ARHGAP25: variants seen among roughly 807,000 people sequenced by gnomAD.
ARHGAP25 encodes the protein Rho GTPase activating protein 25, also known as rho GTPase-activating protein 25.
In ARHGAP25, 34 loss-of-function variants were observed where a neutral mutation model predicts 71.0. The ratio of observed to expected loss-of-function variants is 0.48; its 90% confidence interval spans 0.36 to 0.64. ARHGAP25 has a LOEUF of 0.64. ARHGAP25 is among the 30% of genes least tolerant of loss of function. The probability of loss-of-function intolerance (pLI) is 0.00; values close to 1 mark genes in which losing one functional copy is unlikely to be tolerated. For synonymous variants in ARHGAP25, 282 were observed against 296.5 expected (o/e 0.95, Z 0.50); for missense variants, 706 against 805.1 (o/e 0.88, Z 1.49).
chr2:68,722,385 C>G (rs1401532261), intron 2 of ARHGAP25, among the ~76,000 whole-genome samples: 2 of 151,850 alleles, frequency 1.3e-5, no homozygotes, highest in Non-Finnish European at 2.9e-5. Context: ...CAAGACCAGC[C>G]TGGCCAACAT....
At chr2:68,820,941 TAGC>T (rs1335359409) in intron 9 of ARHGAP25, among the ~76,000 whole-genome samples, 1 of 152,168 alleles carries the variant, frequency 6.6e-6, no homozygotes, top group African/African-American at 2.4e-5. Flanking sequence ...TTTTTGTACT[TAGC>T]AGTATATTCT....
intron 2 of ARHGAP25, among the ~76,000 whole-genome samples, chr2:68,723,122 C>T (rs148221140): frequency 2.6e-3 from 390 of 152,276 alleles, no homozygotes; most frequent in Non-Finnish European, 4.3e-3. Context: ...GCAAATTCCA[C>T]GATGCTGGGT....
intron 1 of ARHGAP25, among the ~76,000 whole-genome samples, chr2:68,746,768 A>G (rs1396229758): frequency 6.6e-6 from 1 of 150,672 alleles, no homozygotes; most frequent in Non-Finnish European, 1.5e-5. Flanking sequence ...GTACTTTGGG[A>G]GGCCGAGGCA....
Position 68,813,378 on chromosome 2 carries a change from T to C in ARHGAP25, c.766T>C (p.Phe256Leu), listed in dbSNP as rs1347585205. The C allele has an allele frequency of 2.5e-6, 4 of 1,612,818 alleles. No individual in the cohort carries two copies. The Admixed American group carries it at 5.0e-5, about 20-fold the overall frequency. ...GGTTCCCTGGAGCCAGTACGAAGGG[T>C]TCCTGCTCTGTGGGCAGCTCACGAA... ...PVVPWSQYEG[F>L]LLCGQLTNAD... Residue 256 changes from phenylalanine (F) to leucine (L), a missense_variant, in exon 6 of 11, where the codon TTC (phenylalanine) becomes CTC (leucine). Transcript: ENST00000409202.
chr2:68,727,616 C>T (rs947223096), intron 2 of ARHGAP25, among the ~76,000 whole-genome samples: 4 of 152,234 alleles, frequency 2.6e-5, no homozygotes, highest in African/African-American at 9.6e-5. Context: ...TTCTGACTCT[C>T]CTGGAGTCTG....
upstream of ARHGAP25, among the ~76,000 whole-genome samples, chr2:68,729,851 T>C (rs1345935042): frequency 2.0e-5 from 3 of 152,258 alleles, no homozygotes; most frequent in Non-Finnish European, 2.9e-5. Flanking sequence ...TTAGTATAAG[T>C]ATATTCTTAT....
chr2:68,826,431 C>T lies in ARHGAP25; in HGVS notation c.*237C>T, dbSNP rs1255661929. On this transcript the variant is annotated 3_prime_UTR_variant, in exon 11 of 11. Coordinates refer to ENST00000409202, the MANE Select transcript of ARHGAP25 (RefSeq NM_001007231.3). ...TGTATTCAAATGGATTGTTTTATTC[C>T]ATTCTGGTCTCAGGCATGACCACGT... 6 of 615,026 alleles carry T rather than the reference C, an allele frequency of 9.8e-6. No individual in the cohort carries two copies. Among genetic ancestry groups the T allele is most frequent in the Admixed American group, 4.5e-5 (2 of 44,722 alleles). The allele number at this position is 615,026 out of a possible 1,614,324, so 38.1% of individuals were successfully genotyped here.
chr2:68,743,249 C>T (rs1307546961), intron 1 of ARHGAP25, among the ~76,000 whole-genome samples: 1 of 152,152 alleles, frequency 6.6e-6, no homozygotes, highest in Non-Finnish European at 1.5e-5. Flanking sequence ...GTCATGCGTA[C>T]CTCTGGCCAC....
At chr2:68,754,094 G>A (rs1238090841) in intron 1 of ARHGAP25, among the ~76,000 whole-genome samples, 4 of 151,958 alleles carry the variant, frequency 2.6e-5, no homozygotes, top group Non-Finnish European at 4.4e-5. Context: ...TAGTAGAGAC[G>A]GGGTTTCACC....
At chr2:68,744,570 G>GTGA (rs1675703495) in intron 1 of ARHGAP25, among the ~76,000 whole-genome samples, 1 of 152,166 alleles carries the variant, frequency 6.6e-6, no homozygotes, top group South Asian at 2.1e-4. Flanking sequence ...GACTGTGACT[G>GTGA]TGACATTTAA....
intron 1 of ARHGAP25, 130 bp from the exon 2 acceptor site, chr2:68,775,091 C>G: frequency 6.4e-7 from 1 of 1,573,802 alleles, no homozygotes; most frequent in South Asian, 1.2e-5. Flanking sequence ...AGATCCGGAC[C>G]CCTGAACTGG....
intron 4 of ARHGAP25, among the ~76,000 whole-genome samples, chr2:68,801,984 C>G (rs536472650): frequency 7.4e-4 from 113 of 152,298 alleles, no homozygotes; most frequent in Non-Finnish European, 1.1e-3. Context: ...AAATGCTCAG[C>G]CTACATTTGT....
At chr2:68,732,046 C>A (rs1218903451), upstream of ARHGAP25, among the ~76,000 whole-genome samples, 1 of 152,210 alleles carries the variant, frequency 6.6e-6, no homozygotes, top group Non-Finnish European at 1.5e-5. Flanking sequence ...ACAGATGGAA[C>A]AATGTTTGCT....
intron 4 of ARHGAP25, among the ~76,000 whole-genome samples, chr2:68,799,435 T>C (rs1247120195): frequency 6.6e-6 from 1 of 152,320 alleles, no homozygotes; most frequent in East Asian, 1.9e-4. Context: ...GATCATTATC[T>C]CTGAAGGCCC....
chr2:68,822,646 T>C lies in ARHGAP25; in HGVS notation c.1507T>C (p.Tyr503His), dbSNP rs897618367. 2 of 1,614,010 alleles carry C rather than the reference T, an allele frequency of 1.2e-6. No individual in the cohort carries two copies. Among genetic ancestry groups the C allele is most frequent in the African/African-American group, 1.3e-5 (1 of 74,924 alleles). The change falls in exon 10 of 11, where the codon TAC becomes CAC. Residue 503 changes from tyrosine (Y) to histidine (H), a missense_variant. Physicochemically the swap from Tyr to His is moderately conservative, Grantham distance 83. Transcript: ENST00000409202. ...TTCTGACTCCCAACGGACTTCCACC[T>C]ACGATAACGTCCCTTCCCTGCCAGG... Reference protein sequence around the residue: ...QLSDSQRTSTYDNVPSLPGSP... With the variant: ...QLSDSQRTSTHDNVPSLPGSP...
intron 4 of ARHGAP25, among the ~76,000 whole-genome samples, chr2:68,793,724 G>A (rs1679351662): frequency 6.6e-6 from 1 of 152,016 alleles, no homozygotes; most frequent in South Asian, 2.1e-4. Flanking sequence ...CTCCAGCCTT[G>A]TTCTTTTTGC....
chr2:68,813,095 C>G (rs549676019), intron 5 of ARHGAP25, among the ~76,000 whole-genome samples, 192 bp from the exon 6 acceptor site: 1 of 152,272 alleles, frequency 6.6e-6, no homozygotes, highest in Admixed American at 6.5e-5. Flanking sequence ...AACATTTATT[C>G]AAGAATGTTG....
intron 1 of ARHGAP25, among the ~76,000 whole-genome samples, chr2:68,745,913 C>T (rs977986450): frequency 1.4e-4 from 21 of 152,150 alleles, no homozygotes; most frequent in African/African-American, 4.3e-4. Context: ...GGAGGAGTGC[C>T]GTGACCTCAC....
At chr2:68,719,614 G>A (rs1327686792) in intron 2 of ARHGAP25, among the ~76,000 whole-genome samples, 1 of 152,014 alleles carries the variant, frequency 6.6e-6, no homozygotes, top group South Asian at 2.1e-4. Context: ...ATCCTCGGGG[G>A]CTGTTATTCA....
Sources: gnomAD v4.1 joint callset for allele counts (sites outside exome capture counted in the v4.1 genomes callset) on GRCh38, gnomAD v4.1.1 for gene constraint, MANE v1.5 for transcripts, NCBI Gene and HGNC (gene_info 2026-07-23, HGNC 2026-07-21) for gene names.